The following TRAPPC9 variants were observed in gnomAD, a reference collection of about 807,000 sequenced individuals.
The protein encoded by TRAPPC9 is IKK2 binding protein.
A neutral mutation model predicts 124.0 loss-of-function variants in TRAPPC9; 83 were observed. The ratio of observed to expected loss-of-function variants is 0.67; its 90% confidence interval spans 0.56 to 0.80. TRAPPC9 has a LOEUF of 0.80. Ranked by LOEUF, TRAPPC9 falls within the 30% of genes least tolerant of loss-of-function variation. The pLI is 0.00. For synonymous variants in TRAPPC9, 638 were observed against 617.5 expected, an observed-to-expected ratio of 1.03 and a Z score of -0.49; for missense variants, 1,302 against 1,508.3, an observed-to-expected ratio of 0.86 and a Z score of 2.27.
In TRAPPC9 at chr8:140,104,980, C is replaced by T. The variant is rs572275723; in HGVS notation, c.2557-80901G>A. Among the ~76,000 whole-genome samples, 2 of 152,272 alleles carry T rather than the reference C, an allele frequency of 1.3e-5. No individual in the cohort carries two copies. The highest frequency in any genetic ancestry group is 3.9e-4 in the East Asian group (2 of 5,184). On this transcript the variant is annotated intron_variant, in intron 17 of 22. Transcript: ENST00000438773. The surrounding 1 kb of genome is among the most constrained non-coding windows in gnomAD (Gnocchi z 4.0). ...TGGCAGGGTCCCACTCAGCAGCAGC[C>T]CTGACTGCGTGGCTCCTGGGACAGC... is the stretch of plus-strand genomic sequence containing the variant.
chr8:140,122,023 T>TTCTCTCTC lies in TRAPPC9; in HGVS notation c.2557-97952_2557-97945dup, dbSNP rs533446141. ...GGAGTCCATCTCTTTCTTTCTTTCTTTCTCTCTCTCTCTCTCTCTCTCTCT... is the reference window on the plus strand; with the variant it reads ...GGAGTCCATCTCTTTCTTTCTTTCTTTCTCTCTCTCTCTCTCTCTCTCTCTCTCTCTCT... On this transcript the variant is annotated intron_variant, in intron 17 of 22. Coordinates refer to ENST00000438773, the MANE Select transcript of TRAPPC9 (RefSeq NM_001160372.4). 3.8e-4 allele frequency among the ~76,000 whole-genome samples: 52 copies of TTCTCTCTC among 138,520 alleles called. 1 individual carries two copies. The highest frequency in any genetic ancestry group is 1.2e-3 in the African/African-American group (45 of 37,484). The allele number at this position is 138,520 out of a possible 152,430, so 90.9% of individuals were successfully genotyped here.
chr8:139,979,594 A>G (rs1836742378), intron 19 of TRAPPC9, among the ~76,000 whole-genome samples: 1 of 152,060 alleles, frequency 6.6e-6, no homozygotes, highest in Admixed American at 6.5e-5. Context: ...ACCCCTCTTT[A>G]GTAAAGACCC....
intron 17 of TRAPPC9, among the ~76,000 whole-genome samples, chr8:140,049,319 T>G (rs1841825713): frequency 6.6e-6 from 1 of 152,090 alleles, no homozygotes; most frequent in South Asian, 2.1e-4. Context: ...CTTAAAAATA[T>G]AAATGCTCCC....
At chr8:140,217,306 C>A (rs1030303992) in intron 17 of TRAPPC9, among the ~76,000 whole-genome samples, 1 of 152,078 alleles carries the variant, frequency 6.6e-6, no homozygotes, top group Non-Finnish European at 1.5e-5. Context: ...TTGAGGAGGT[C>A]CTACTCGGGA....
chr8:140,338,178 T>A (rs926465080), intron 9 of TRAPPC9, among the ~76,000 whole-genome samples: 1 of 152,294 alleles, frequency 6.6e-6, no homozygotes, highest in Non-Finnish European at 1.5e-5. Flanking sequence ...ATCACCGAAG[T>A]GGACACCAGC....
intron 21 of TRAPPC9, among the ~76,000 whole-genome samples, chr8:139,767,555 G>A (rs759153005): frequency 6.6e-6 from 1 of 152,210 alleles, no homozygotes; most frequent in Non-Finnish European, 1.5e-5. Flanking sequence ...GGGGGTGGAA[G>A]GGGGAGGGAG....
chr8:139,923,010 A>G (rs1832602972), intron 19 of TRAPPC9, among the ~76,000 whole-genome samples: 1 of 151,858 alleles, frequency 6.6e-6, no homozygotes, highest in South Asian at 2.1e-4. Flanking sequence ...AAACCACAGA[A>G]CCAGCAGAGT....
chr8:139,875,163 AAG>A (rs1410469938), intron 21 of TRAPPC9, among the ~76,000 whole-genome samples: 2 of 152,268 alleles, frequency 1.3e-5, no homozygotes, highest in East Asian at 1.9e-4. Context: ...ACGGGGGAAG[AAG>A]AGAGAGGAGG....
intron 4 of TRAPPC9, among the ~76,000 whole-genome samples, chr8:140,432,853 C>T (rs1295894555): frequency 6.7e-6 from 1 of 150,080 alleles, no homozygotes; most frequent in African/African-American, 2.5e-5. Context: ...GCCTGGGCAA[C>T]AGAGCAAGAC....
chr8:140,435,314 G>A (rs1588350285), intron 3 of TRAPPC9, 74 bp from the exon 4 acceptor site: 1 of 1,560,444 alleles, frequency 6.4e-7, no homozygotes, highest in East Asian at 2.3e-5. Context: ...TCAAGTCAGT[G>A]ACCCTTCATT....
At chr8:140,356,086 C>T (rs2067733507) in intron 9 of TRAPPC9, among the ~76,000 whole-genome samples, 1 of 152,218 alleles carries the variant, frequency 6.6e-6, no homozygotes, top group Non-Finnish European at 1.5e-5. Context: ...GAGAAAAACG[C>T]TGACACTGAG....
At chr8:140,094,398 A>G (rs78646738) in intron 17 of TRAPPC9, among the ~76,000 whole-genome samples, 3,641 of 152,268 alleles carry the variant, frequency 0.024, 143 homozygotes, top group African/African-American at 0.082. Context: ...TGGCTCCGAG[A>G]GCCACGCACG....
intron 5 of TRAPPC9, among the ~76,000 whole-genome samples, chr8:140,419,428 C>CAAAAAAAAAA (rs61155157): frequency 1.1e-3 from 84 of 79,544 alleles, no homozygotes; most frequent in Non-Finnish European, 1.6e-3. Flanking sequence ...GACTCCGTCT[C>CAAAAAAAAAA]AAAAAAAAAA....
chr8:140,351,587 G>A (rs2067579628), intron 9 of TRAPPC9, among the ~76,000 whole-genome samples: 2 of 152,108 alleles, frequency 1.3e-5, no homozygotes, highest in African/African-American at 2.4e-5. Flanking sequence ...TGAGCAACAA[G>A]GCGAGACCTC....
intron 15 of TRAPPC9, among the ~76,000 whole-genome samples, chr8:140,266,920 A>G (rs2064686280): frequency 1.3e-5 from 2 of 152,002 alleles, no homozygotes; most frequent in South Asian, 4.2e-4. Flanking sequence ...ACAGGGACAC[A>G]CTCACCCCAT....
At chr8:139,812,587 C>G (rs576374570) in intron 21 of TRAPPC9, among the ~76,000 whole-genome samples, 1 of 152,142 alleles carries the variant, frequency 6.6e-6, no homozygotes, top group Non-Finnish European at 1.5e-5. Flanking sequence ...AACGAATTGG[C>G]TTTTTAAGTC....
intron 17 of TRAPPC9, among the ~76,000 whole-genome samples, chr8:140,158,859 A>C (rs1021042222): frequency 6.6e-6 from 1 of 152,240 alleles, no homozygotes; most frequent in Non-Finnish European, 1.5e-5. Flanking sequence ...AGTTGGAAAC[A>C]AGAACTTATT....
rs891260838 is a variant in TRAPPC9 at position 140,397,753 on chromosome 8, G to A, written c.1009-8C>T. 1 of 1,613,946 alleles carries A rather than the reference G, an allele frequency of 6.2e-7. No individual in the cohort carries two copies. The highest frequency in any genetic ancestry group is 1.3e-5 in the African/African-American group (1 of 75,036). ...CACTCCCGCATTCTTATACTGCAGG[G>A]TGTAAAGGAAATGCCTCAGTCAAAA... is the stretch of plus-strand genomic sequence containing the variant. On this transcript the variant is annotated splice_region_variant and splice_polypyrimidine_tract_variant and intron_variant, in intron 6 of 22. Coordinates refer to ENST00000438773, the MANE Select transcript of TRAPPC9 (RefSeq NM_001160372.4).
intron 21 of TRAPPC9, chr8:139,881,157 G>C (rs941342288): frequency 6.6e-6 from 1 of 152,172 alleles, no homozygotes; most frequent in Non-Finnish European, 1.5e-5. Flanking sequence ...CCCTCCCGAG[G>C]TTCCTCTGGT....
Sources: gnomAD v4.1 joint callset for allele counts (sites outside exome capture counted in the v4.1 genomes callset) on GRCh38, gnomAD v4.1.1 for gene constraint, Gnocchi (gnomAD v3.1) non-coding constraint, MANE v1.5 for transcripts, NCBI Gene and HGNC (gene_info 2026-07-23, HGNC 2026-07-21) for gene names.